Variants in VAC14 observed in about 807,000 individuals in gnomAD.
VAC14 encodes the protein protein VAC14 homolog.
A neutral mutation model predicts 85.3 loss-of-function variants in VAC14; 47 were observed. The observed-to-expected ratio is 0.55, with a 90% CI of 0.44 to 0.70. The LOEUF is 0.70. VAC14 is among the 30% of genes least tolerant of loss of function. VAC14 has a pLI of 0.00. For missense variants in VAC14, 861 were observed against 1,004.3 expected (o/e 0.86, Z 1.93); for synonymous variants, 447 against 430.5 (o/e 1.04, Z -0.47).
At chr16:70,799,756 G>A (rs542186573) in intron 1 of VAC14, among the ~76,000 whole-genome samples, 5 of 152,156 alleles carry the variant, frequency 3.3e-5, no homozygotes, top group Non-Finnish European at 7.3e-5. Context: ...GTTAACGAAT[G>A]AATGTCACAC....
intron 15 of VAC14, among the ~76,000 whole-genome samples, chr16:70,697,597 C>T (rs572224512): frequency 1.3e-5 from 2 of 152,288 alleles, no homozygotes; most frequent in African/African-American, 4.8e-5. Context: ...GGTCCCGGAG[C>T]CCCATGGGGC....
chr16:70,782,482 A>C (rs2033862140), intron 7 of VAC14, among the ~76,000 whole-genome samples: 1 of 152,170 alleles, frequency 6.6e-6, no homozygotes, highest in Non-Finnish European at 1.5e-5. Context: ...AGCTGCCCCC[A>C]TGGTCCCGGC....
At chr16:70,795,554 C>G (rs566724670) in intron 1 of VAC14, among the ~76,000 whole-genome samples, 1 of 150,504 alleles carries the variant, frequency 6.6e-6, no homozygotes, top group South Asian at 2.1e-4. Flanking sequence ...ACTCTGGCAC[C>G]TTCCCCACAG....
chr16:70,769,078 A>G (rs1161305931), intron 10 of VAC14: 1 of 234,398 alleles, frequency 4.3e-6, no homozygotes, highest in African/African-American at 2.4e-5. Flanking sequence ...GGCCTCCCAA[A>G]ATGCTGGGAT....
At chr16:70,763,109 C>G in intron 10 of VAC14, 84 bp from the exon 11 acceptor site, 6 of 1,581,144 alleles carry the variant, frequency 3.8e-6, no homozygotes, top group Non-Finnish European at 5.2e-6. Flanking sequence ...CCTGGGCCTG[C>G]ACATCCTGAG....
At chr16:70,742,141 C>T (rs1034267122) in intron 13 of VAC14, among the ~76,000 whole-genome samples, 2 of 152,236 alleles carry the variant, frequency 1.3e-5, no homozygotes, top group Non-Finnish European at 2.9e-5. Context: ...GGCCCTGTCA[C>T]AAGGCTGTGC....
rs377303345 is a variant in VAC14, at chr16:70,783,490, C to G, written c.659G>C (p.Gly220Ala). Residue 220 changes from glycine to alanine, a missense_variant, in exon 6 of 19, where the codon GGA (glycine) becomes GCA (alanine). Coordinates refer to ENST00000261776, the MANE Select transcript of VAC14 (RefSeq NM_018052.5). The part of the protein sequence containing the change: ...LLDYLPEILD[G>A]LFQILGDNGK... ...ATTGTCACCCAGGATCTGGAAGAGT[C>G]CATCCAGGATCTCCGGCAGGTAATC... 6.2e-7 allele frequency: 1 copy of G among 1,614,098 alleles called. No homozygotes were observed. Among genetic ancestry groups the G allele is most frequent in the Non-Finnish European group, 8.5e-7 (1 of 1,180,038 alleles).
intron 14 of VAC14, among the ~76,000 whole-genome samples, chr16:70,711,175 G>T (rs1484481402): frequency 6.6e-6 from 1 of 152,204 alleles, no homozygotes; most frequent in African/African-American, 2.4e-5. Context: ...TGTATGCATG[G>T]ACCACGTGCG....
In VAC14 at chr16:70,744,567, C is replaced by A; in HGVS notation, c.1384G>T (p.Asp462Tyr). 1 of 1,601,264 alleles carries A rather than the reference C, an allele frequency of 6.2e-7. No individual in the cohort carries two copies. The highest frequency in any genetic ancestry group is 8.5e-7 in the Non-Finnish European group (1 of 1,174,312). ...GCGATTTCTGCCAGCACCTCCAGGT[C>A]CTTCAGGATCACCTGGGGAGAGAAG... is the stretch of plus-strand genomic sequence containing the variant. ...SDESDEVILK[D>Y]LEVLAEIASS... The change falls in exon 13 of 19, where the codon GAC becomes TAC. Residue 462 changes from aspartate (D) to tyrosine (Y), a missense_variant. Around this residue, in one of 3 missense-constraint regions of VAC14, gnomAD observed 629 missense variants for 703.1 expected, o/e 0.89. Coordinates refer to ENST00000261776, the MANE Select transcript of VAC14 (RefSeq NM_018052.5).
intron 1 of VAC14, among the ~76,000 whole-genome samples, chr16:70,800,205 C>T (rs980733071): frequency 1.3e-5 from 2 of 152,184 alleles, no homozygotes; most frequent in Non-Finnish European, 2.9e-5. Context: ...AATATCAGAT[C>T]ATTGTTACAC....
At chr16:70,783,675 C>T in intron 5 of VAC14, 121 bp from the exon 6 acceptor site, 1 of 939,042 alleles carries the variant, frequency 1.1e-6, no homozygotes, top group Non-Finnish European at 1.7e-6. Flanking sequence ...CCCTGCAGTG[C>T]AGGTGTCCCA....
intron 1 of VAC14, 178 bp from the exon 2 acceptor site, chr16:70,786,543 G>T: frequency 1.4e-6 from 1 of 729,922 alleles, no homozygotes; most frequent in Non-Finnish European, 2.2e-6. Flanking sequence ...TCCCTATTCT[G>T]GGTCTCAGTT....
intron 14 of VAC14, among the ~76,000 whole-genome samples, chr16:70,719,738 C>T (rs552257834): frequency 1.3e-5 from 2 of 152,210 alleles, no homozygotes; most frequent in African/African-American, 4.8e-5. Flanking sequence ...TTGGTGAGGA[C>T]GTGGAGCAAC....
At chr16:70,727,311 T>C (rs945183217) in intron 14 of VAC14, among the ~76,000 whole-genome samples, 2 of 152,246 alleles carry the variant, frequency 1.3e-5, no homozygotes. Context: ...TGCGGAACCA[T>C]CGCGATGCCT....
At chr16:70,700,050 T>C (rs977827881) in intron 14 of VAC14, 1 of 151,562 alleles carries the variant, frequency 6.6e-6, no homozygotes, top group African/African-American at 2.4e-5. Flanking sequence ...AACACCTCCA[T>C]CTCCTCCTAG....
chr16:70,731,362 TAC>T, intron 14 of VAC14, 131 bp downstream of exon 14: 6 of 1,498,134 alleles, frequency 4.0e-6, no homozygotes, highest in Non-Finnish European at 5.3e-6. Flanking sequence ...CTTCATTTCT[TAC>T]AGATCCAAAG....
chr16:70,782,911 A>C, intron 7 of VAC14, 122 bp downstream of exon 7: 1 of 916,930 alleles, frequency 1.1e-6, no homozygotes, highest in South Asian at 1.6e-5. Context: ...ACTGGCTAAT[A>C]TTCCTACCAG....
chr16:70,708,670 G>A (rs1412314849), intron 14 of VAC14, among the ~76,000 whole-genome samples: 2 of 152,272 alleles, frequency 1.3e-5, no homozygotes, highest in Non-Finnish European at 2.9e-5. Context: ...CTGGGGACAG[G>A]CGTGTAACCC....
intron 14 of VAC14, among the ~76,000 whole-genome samples, chr16:70,726,504 C>A (rs80288936): frequency 0.026 from 3,956 of 152,328 alleles, 180 homozygotes; most frequent in African/African-American, 0.089. Context: ...CTGAGACATG[C>A]GCCATTTATA....
Sources: allele counts gnomAD v4.1 joint callset (sites outside exome capture counted in the v4.1 genomes callset), GRCh38; gene constraint gnomAD v4.1.1; regional missense constraint gnomAD v4.1.1; transcripts MANE v1.5; gene names NCBI Gene and HGNC (gene_info 2026-07-23, HGNC 2026-07-21).